Variants in KCNN2 observed in about 807,000 individuals in gnomAD.
The protein encoded by KCNN2 is small conductance calcium-activated potassium channel protein 2.
A neutral mutation model predicts 55.5 loss-of-function variants in KCNN2; 24 were observed. That is an observed-to-expected ratio of 0.43 (90% CI 0.31 to 0.61). KCNN2 has a LOEUF of 0.61. Among genes scored for constraint, KCNN2 ranks in the 20% least tolerant of loss-of-function variants. The probability of loss-of-function intolerance (pLI) is 0.08; values close to 1 mark genes in which losing one functional copy is unlikely to be tolerated. For missense variants in KCNN2, 754 were observed against 853.6 expected (o/e 0.88, Z 1.45); for synonymous variants, 431 against 336.1 (o/e 1.28, Z -3.09).
At chr5:114,371,457 T>G (rs1372271329) in intron 2 of KCNN2, among the ~76,000 whole-genome samples, 2 of 152,126 alleles carry the variant, frequency 1.3e-5, no homozygotes, top group Non-Finnish European at 2.9e-5. Flanking sequence ...TGAAGGAGTC[T>G]AAGAGATAGG....
At chr5:114,363,682 C>G (rs1049712605) in intron 1 of KCNN2, among the ~76,000 whole-genome samples, 2 of 152,138 alleles carry the variant, frequency 1.3e-5, no homozygotes, top group Non-Finnish European at 2.9e-5. Context: ...ACCCAGCAGC[C>G]CAGCCACGCG....
chr5:114,144,428 G>A (rs1202144921), intron 1 of KCNN2, among the ~76,000 whole-genome samples: 1 of 152,100 alleles, frequency 6.6e-6, no homozygotes, highest in African/African-American at 2.4e-5. Flanking sequence ...AGCAGTAGCA[G>A]CAGTCACCGT....
chr5:114,266,678 G>A (rs2150006328), intron 2 of KCNN2, among the ~76,000 whole-genome samples: 1 of 152,220 alleles, frequency 6.6e-6, no homozygotes. Flanking sequence ...ACTGGGAGTG[G>A]GGAGGCTGGT....
chr5:114,141,893 G>A (rs1418560109), intron 1 of KCNN2, among the ~76,000 whole-genome samples: 2 of 152,190 alleles, frequency 1.3e-5, no homozygotes, highest in Admixed American at 6.5e-5. Context: ...GATGATGAGC[G>A]TTTTTTCATG....
At chr5:114,388,146 T>C (rs1267987346) in intron 2 of KCNN2, among the ~76,000 whole-genome samples, 5 of 152,242 alleles carry the variant, frequency 3.3e-5, no homozygotes, top group African/African-American at 1.2e-4. Context: ...TTTGGATGTA[T>C]AGTTTGGTTC....
intron 1 of KCNN2, among the ~76,000 whole-genome samples, chr5:114,061,236 A>T (rs1750322268): frequency 6.6e-6 from 1 of 152,142 alleles, no homozygotes; most frequent in African/African-American, 2.4e-5. Context: ...GACAATTGCA[A>T]ATACACATTC....
rs1425621872 is a variant in KCNN2 at position 114,362,462 on chromosome 5, C to T, written c.323C>T (p.Ser108Leu). ...AFRTRTSSPLSGSSCCCCCCS... is the reference protein window; with the variant it reads ...AFRTRTSSPLLGSSCCCCCCS... Reference sequence around the variant, plus strand: ...CGGACCCGCACCTCCTCGCCGCTGTCGGGCTCGTCCTGCTGCTGCTGCTGC... The same window carrying T: ...CGGACCCGCACCTCCTCGCCGCTGTTGGGCTCGTCCTGCTGCTGCTGCTGC... The change falls in exon 1 of 8, where the codon TCG becomes TTG. Residue 108 changes from serine (S) to leucine (L), a missense_variant. Transcript: ENST00000673685. 4 of 419,126 alleles carry T rather than the reference C, an allele frequency of 9.5e-6. No homozygotes were observed. Among genetic ancestry groups the T allele is most frequent in the Admixed American group, 9.1e-5 (2 of 22,028 alleles). The allele number at this position is 419,126 out of a possible 1,614,324, so 26.0% of individuals were successfully genotyped here. A position where few individuals can be genotyped will look rare whatever the true frequency, so the allele number is the denominator to read the frequency against.
chr5:114,244,616 G>T lies in KCNN2; in HGVS notation c.-185+23051G>T, dbSNP rs142338946. Among the ~76,000 whole-genome samples, 3 of 151,770 alleles carry T rather than the reference G, an allele frequency of 2.0e-5. No homozygotes were observed. In the South Asian group the frequency reaches 6.3e-4, roughly 32 times the overall value. On this transcript the variant is annotated intron_variant, in intron 2 of 10. Coordinates refer to the KCNN2 transcript ENST00000512097. Reference sequence around the variant, plus strand: ...CTGGGGCGGGCATGGGGGGTTATTGGGGGGAGTGTGGAGGGGAGAGACAGA... The same window carrying T: ...CTGGGGCGGGCATGGGGGGTTATTGTGGGGAGTGTGGAGGGGAGAGACAGA...
intron 1 of KCNN2, among the ~76,000 whole-genome samples, chr5:114,094,384 C>T (rs1466971016): frequency 6.6e-6 from 1 of 152,110 alleles, no homozygotes; most frequent in East Asian, 1.9e-4. Flanking sequence ...TCAGCTTATA[C>T]CATTGCAGAA....
intron 1 of KCNN2, among the ~76,000 whole-genome samples, chr5:114,147,634 G>T (rs973511648): frequency 6.6e-6 from 1 of 152,162 alleles, no homozygotes; most frequent in African/African-American, 2.4e-5. Flanking sequence ...TTTTTCTGCT[G>T]GTTCAGATAG....
intron 2 of KCNN2, among the ~76,000 whole-genome samples, chr5:114,391,374 T>C (rs938434329): frequency 6.6e-6 from 1 of 152,158 alleles, no homozygotes; most frequent in African/African-American, 2.4e-5. Flanking sequence ...AAGGTTGATA[T>C]TATTTTTATT....
chr5:114,287,663 C>G (rs554674039), intron 2 of KCNN2, among the ~76,000 whole-genome samples: 1 of 151,920 alleles, frequency 6.6e-6, no homozygotes, highest in Non-Finnish European at 1.5e-5. Context: ...GGCTTAAAAC[C>G]TAGATGACGG....
chr5:114,305,737 G>GC (rs2150024129), intron 2 of KCNN2, among the ~76,000 whole-genome samples: 1 of 152,268 alleles, frequency 6.6e-6, no homozygotes, highest in South Asian at 2.1e-4. Flanking sequence ...CAAAACAGCA[G>GC]CACAACTGGA....
At chr5:114,177,790 AAATTT>A (rs1753165992) in intron 1 of KCNN2, among the ~76,000 whole-genome samples, 1 of 152,180 alleles carries the variant, frequency 6.6e-6, no homozygotes, top group African/African-American at 2.4e-5. Flanking sequence ...ATTCTGTTTT[AAATTT>A]AATTTAAGAC....
intron 1 of KCNN2, among the ~76,000 whole-genome samples, chr5:114,112,822 T>C (rs1751627892): frequency 6.6e-6 from 1 of 151,978 alleles, no homozygotes; most frequent in South Asian, 2.1e-4. Flanking sequence ...CACATGAGAG[T>C]GAGGGCATAT....
chr5:114,429,573 G>C (rs923991560), intron 3 of KCNN2, among the ~76,000 whole-genome samples: 1 of 151,986 alleles, frequency 6.6e-6, no homozygotes, highest in Non-Finnish European at 1.5e-5. Flanking sequence ...CTTGTACTTT[G>C]TGTCCTCAGC....
chr5:114,254,970 G>T (rs1485839489), intron 2 of KCNN2, among the ~76,000 whole-genome samples: 3 of 152,048 alleles, frequency 2.0e-5, no homozygotes, highest in Non-Finnish European at 4.4e-5. Flanking sequence ...TTGGATTTCT[G>T]CTAACTCAGT....
rs116711658 is a variant in KCNN2, at chr5:114,362,579, C to T, written c.440C>T (p.Ser147Phe). Residue 147 changes from serine to phenylalanine, a missense_variant, in exon 1 of 8, where the codon TCC becomes TTC. Physicochemically the swap from Ser to Phe is radical, Grantham distance 155. This residue lies in a region of KCNN2 where 381 missense variants were observed against 259.1 expected (regional missense o/e 1.47). Transcript: ENST00000673685. ...CTCCGGCAGCAGTACGCGCAGCAGT[C>T]CGCGCAGCAGTCGGCGTCCGCCTCC... ...SALRQQYAQQ[S>F]AQQSASASQY... 1.4e-6 allele frequency: 1 copy of T among 696,922 alleles called. No homozygotes were observed. The highest frequency in any genetic ancestry group is 2.3e-6 in the Non-Finnish European group (1 of 442,270). 43.2% of individuals were successfully genotyped at this position (696,922 alleles called of 1,614,324 possible). A position where few individuals can be genotyped will look rare whatever the true frequency, so the allele number is the denominator to read the frequency against.
intron 1 of KCNN2, among the ~76,000 whole-genome samples, chr5:114,210,811 G>A (rs1177164402): frequency 6.6e-6 from 1 of 152,090 alleles, no homozygotes; most frequent in Non-Finnish European, 1.5e-5. Flanking sequence ...GACCTCAAGG[G>A]TTTAAACTAT....
Sources: gnomAD v4.1 joint callset for allele counts (sites outside exome capture counted in the v4.1 genomes callset) on GRCh38, gnomAD v4.1.1 for gene constraint, gnomAD v4.1.1 regional missense constraint, MANE v1.5 for transcripts, NCBI Gene and HGNC (gene_info 2026-07-23, HGNC 2026-07-21) for gene names.